Variants in HEG1 observed in about 807,000 individuals in gnomAD.
The protein encoded by HEG1 is heart development protein with EGF like domains 1, also known as protein HEG homolog 1.
Under a neutral mutation model 125.6 loss-of-function variants are expected in HEG1, and 56 were observed. The observed-to-expected ratio is 0.45, with a 90% CI of 0.36 to 0.56. The LOEUF (loss-of-function observed/expected upper bound fraction) is 0.56, where lower values mean the gene tolerates loss of function less well. HEG1 is among the 20% of genes least tolerant of loss of function. HEG1 has a pLI of 0.00. For missense variants in HEG1, 1,523 were observed against 1,670.0 expected (o/e 0.91, Z 1.53); for synonymous variants, 644 against 668.5 (o/e 0.96, Z 0.57).
At chr3:125,006,397 A>G (rs1269727339) in intron 8 of HEG1, among the ~76,000 whole-genome samples, 11 of 152,154 alleles carry the variant, frequency 7.2e-5, no homozygotes, top group Admixed American at 7.2e-4. Flanking sequence ...GCTGGCTCTT[A>G]TCTTCCTTTA....
chr3:125,027,140 A>AGT, intron 3 of HEG1, 65 bp downstream of exon 3: 1 of 1,381,242 alleles, frequency 7.2e-7, no homozygotes, highest in South Asian at 1.5e-5. Context: ...CTAGCTGGCT[A>AGT]TGCACATTGA....
chr3:124,981,645 T>C (rs1423428364), intron 14 of HEG1, among the ~76,000 whole-genome samples: 1 of 152,062 alleles, frequency 6.6e-6, no homozygotes, highest in Non-Finnish European at 1.5e-5. Flanking sequence ...AGACCGTGGG[T>C]AGCACTGGTT....
rs1454362643 is a variant in HEG1 at position 124,967,980 on chromosome 3, T to G, written c.*2672A>C. 6.6e-6 allele frequency: 1 copy of G among 152,312 alleles called. No individual in the cohort carries two copies. The highest frequency in any genetic ancestry group is 2.4e-5 in the African/African-American group (1 of 41,448). 9.4% of individuals were successfully genotyped at this position (152,312 alleles called of 1,614,324 possible). On this transcript the variant is annotated 3_prime_UTR_variant, in exon 17 of 17. Coordinates refer to ENST00000311127, the MANE Select transcript of HEG1 (RefSeq NM_020733.2). ...GTGTGACGGGACACACAGATGCCCC[T>G]GCGCCCGGCTCCTCTCTATGGAGGT... is the stretch of plus-strand genomic sequence containing the variant.
chr3:125,014,581 G>C, intron 5 of HEG1: 1 of 715,628 alleles, frequency 1.4e-6, no homozygotes, highest in South Asian at 2.6e-5. Context: ...GGAGAATCTA[G>C]AAAGTTCTCT....
chr3:125,025,093 G>C (rs1468047221), intron 3 of HEG1, among the ~76,000 whole-genome samples: 3 of 152,238 alleles, frequency 2.0e-5, no homozygotes, highest in African/African-American at 7.2e-5. Context: ...CAGCACTCTT[G>C]CCTGAGTGCC....
Position 125,029,272 on chromosome 3 carries a change from C to G in HEG1, c.533G>C (p.Arg178Thr), listed in dbSNP as rs898433337. Residue 178 changes from arginine (R) to threonine (T), a missense_variant, in exon 2 of 17, where the codon AGA (arginine) becomes ACA (threonine). Coordinates refer to ENST00000311127, the MANE Select transcript of HEG1 (RefSeq NM_020733.2). ...AACAGGCAAAATGGTGAAGTTTGTT[C>G]TACTTGAAGAGCCGCTCCTTCCTCT... ...DARGRSGSSS[R>T]TNFTILPVGY... The G allele has an allele frequency of 1.2e-6, 2 of 1,613,738 alleles. No homozygotes were observed. The highest frequency in any genetic ancestry group is 1.7e-6 in the Non-Finnish European group (2 of 1,179,786).
At chr3:124,987,952 C>CATATATATATATATATATATATATATAT (rs1553776022) in intron 14 of HEG1, among the ~76,000 whole-genome samples, 1 of 54,698 alleles carries the variant, frequency 1.8e-5, no homozygotes, top group Non-Finnish European at 4.6e-5. Flanking sequence ...CACACACACA[C>CATATATATATATATATATATATATATAT]ATATATATAT....
chr3:125,025,131 A>G (rs1257602365), intron 3 of HEG1, among the ~76,000 whole-genome samples: 1 of 152,248 alleles, frequency 6.6e-6, no homozygotes, highest in Non-Finnish European at 1.5e-5. Context: ...GTAGTCAGAA[A>G]GGGACAGTAA....
At chr3:124,986,354 G>A (rs778183615) in intron 14 of HEG1, among the ~76,000 whole-genome samples, 3 of 152,160 alleles carry the variant, frequency 2.0e-5, no homozygotes, top group African/African-American at 4.8e-5. Flanking sequence ...GTCTTGGGTG[G>A]CAATAATGGG....
At chr3:125,021,206 A>C (rs1438679716) in intron 3 of HEG1, 76 bp from the exon 4 acceptor site, 6 of 1,147,522 alleles carry the variant, frequency 5.2e-6, no homozygotes, top group Non-Finnish European at 7.4e-6. Flanking sequence ...GATACAAATG[A>C]CGTTTCTTAC....
chr3:125,027,937 A>G (rs1206584839), intron 2 of HEG1, among the ~76,000 whole-genome samples: 1 of 152,230 alleles, frequency 6.6e-6, no homozygotes, highest in African/African-American at 2.4e-5. Context: ...ATTTATGAAT[A>G]CAAAAGACTT....
At position 125,013,508 on chromosome 3, in the gene HEG1, T is replaced by G. The variant is rs779776908; in HGVS notation, c.2071A>C (p.Ile691Leu). 1 of 1,612,186 alleles carries G rather than the reference T, an allele frequency of 6.2e-7. No homozygotes were observed. Among genetic ancestry groups the G allele is most frequent in the Non-Finnish European group, 8.5e-7 (1 of 1,179,238 alleles). Residue 691 changes from isoleucine to leucine, a missense_variant, in exon 6 of 17, where the codon ATT (isoleucine) becomes CTT (leucine). Transcript: ENST00000311127. ...VSQSHHLFSS[I>L]LPSTRASVHL... Reference sequence around the variant, plus strand: ...ACAGAGGCCCTGGTTGATGGTAAAATTGATGAAAATAAATGGTGGGATTGT... The same window carrying G: ...ACAGAGGCCCTGGTTGATGGTAAAAGTGATGAAAATAAATGGTGGGATTGT...
chr3:125,019,134 C>G (rs540354701), intron 5 of HEG1, 128 bp downstream of exon 5: 23 of 743,638 alleles, frequency 3.1e-5, no homozygotes, highest in Non-Finnish European at 4.2e-5. Context: ...TCCCAAAGTG[C>G]TGGGATTACA....
At chr3:125,008,330 G>A (rs576593228) in intron 8 of HEG1, among the ~76,000 whole-genome samples, 7 of 152,198 alleles carry the variant, frequency 4.6e-5, no homozygotes, top group African/African-American at 1.7e-4. Flanking sequence ...CATTATTTTG[G>A]TAGGGTACTT....
At chr3:125,023,536 G>A (rs796218111) in intron 3 of HEG1, among the ~76,000 whole-genome samples, 9 of 152,182 alleles carry the variant, frequency 5.9e-5, no homozygotes, top group African/African-American at 2.2e-4. Context: ...TAATCCTCAC[G>A]GGAAAGCTAT....
At chr3:125,010,233 GA>G (rs1937137198) in intron 7 of HEG1, among the ~76,000 whole-genome samples, 1 of 152,212 alleles carries the variant, frequency 6.6e-6, no homozygotes, top group African/African-American at 2.4e-5. Flanking sequence ...GTTGGGAACA[GA>G]CACAGATCAG....
chr3:125,001,909 A>G lies in HEG1; in HGVS notation c.3460T>C (p.Cys1154Arg). 1 of 1,613,878 alleles carries G rather than the reference A, an allele frequency of 6.2e-7. No individual in the cohort carries two copies. The highest frequency in any genetic ancestry group is 8.5e-7 in the Non-Finnish European group (1 of 1,179,850). ...ADRMQKCVNSCKSSAEVCQLL... is the reference protein window; with the variant it reads ...ADRMQKCVNSRKSSAEVCQLL... Reference sequence around the variant, plus strand: ...TGGCAGACCTCAGCAGAGGACTTGCAGGAGTTGACACATTTCTGCATCCTA... The same window carrying G: ...TGGCAGACCTCAGCAGAGGACTTGCGGGAGTTGACACATTTCTGCATCCTA... The change falls in exon 11 of 17, where the codon TGC (cysteine) becomes CGC (arginine). Residue 1154 changes from cysteine to arginine, a missense_variant. Physicochemically the swap from Cys to Arg is radical, Grantham distance 180. Transcript: ENST00000311127.
chr3:124,974,998 C>T (rs542828046), intron 15 of HEG1, among the ~76,000 whole-genome samples: 13 of 152,332 alleles, frequency 8.5e-5, no homozygotes, highest in African/African-American at 2.2e-4. Flanking sequence ...GTACAGAACA[C>T]GTAGCAAATA....
In HEG1 at chr3:125,027,376, C is replaced by G; in HGVS notation, c.742G>C (p.Val248Leu). The G allele has an allele frequency of 6.2e-7, 1 of 1,614,012 alleles. No homozygotes were observed. The highest frequency in any genetic ancestry group is 8.5e-7 in the Non-Finnish European group (1 of 1,179,894). ...GAAGTGGTGGCCTCTTGGCTGTGCACAGTCCATTCTTCTGACAGCCCCATC... is the reference window on the plus strand; with the variant it reads ...GAAGTGGTGGCCTCTTGGCTGTGCAGAGTCCATTCTTCTGACAGCCCCATC... ...RAMGLSEEWT[V>L]HSQEATTSAW... is the part of the protein sequence containing the mutation. The change falls in exon 3 of 17, where the codon GTG becomes CTG. Residue 248 changes from valine to leucine, a missense_variant. Coordinates refer to ENST00000311127, the MANE Select transcript of HEG1 (RefSeq NM_020733.2).
Sources: allele counts gnomAD v4.1 joint callset (sites outside exome capture counted in the v4.1 genomes callset), GRCh38; gene constraint gnomAD v4.1.1; transcripts MANE v1.5; gene names NCBI Gene and HGNC (gene_info 2026-07-23, HGNC 2026-07-21).